EDNRB: variants seen among roughly 807,000 people sequenced by gnomAD.
The protein encoded by EDNRB is endothelin receptor type B, also known as Hirschsprung disease 2.
Under a neutral mutation model 46.4 loss-of-function variants are expected in EDNRB, and 18 were observed. The observed-to-expected ratio is 0.39, with a 90% confidence interval of 0.27 to 0.57. The LOEUF is 0.57. Among genes scored for constraint, EDNRB ranks in the 20% least tolerant of loss-of-function variants. EDNRB has a pLI of 0.61. For missense variants in EDNRB, 434 were observed against 537.5 expected (o/e 0.81, Z 1.90); for synonymous variants, 213 against 204.9 (o/e 1.04, Z -0.34).
chr13:77,933,235 G>A lies in EDNRB; in HGVS notation c.-51-14611C>T, dbSNP rs147060345. Among the ~76,000 whole-genome samples, 1,188 of 152,284 alleles carry A rather than the reference G, an allele frequency of 7.8e-3. 15 individuals are homozygous for A. Among genetic ancestry groups the A allele is most frequent in the African/African-American group, 0.026 (1,091 of 41,554 alleles). Reference sequence around the variant, plus strand: ...GGTGAGCAGAGTTTCATGCGCGTCCGTGTGAAGAGACCACCAAACAGGCTT... The same window carrying A: ...GGTGAGCAGAGTTTCATGCGCGTCCATGTGAAGAGACCACCAAACAGGCTT... On this transcript the variant is annotated intron_variant, in intron 1 of 7. Transcript: ENST00000646948.
chr13:77,960,926 A>G (rs1282392757), intron 1 of EDNRB, among the ~76,000 whole-genome samples: 7 of 152,242 alleles, frequency 4.6e-5, no homozygotes, highest in Middle Eastern at 3.4e-3. Flanking sequence ...TTAAACCAAC[A>G]AAGATCAAAA....
rs1878744562 is a variant in EDNRB, at chr13:77,898,328, A to G, written c.1201T>C (p.Leu401=). Residue 401 remains leucine (L), a synonymous_variant, in exon 7 of 7, where the codon TTA becomes CTA. Coordinates refer to ENST00000646607, the MANE Select transcript of EDNRB (RefSeq NM_001122659.3). ...TCAAATGACTGGCACCAGCAGCATAAGCATGACTGTACAAAACAAAGTAAC... is the reference window on the plus strand; with the variant it reads ...TCAAATGACTGGCACCAGCAGCATAGGCATGACTGTACAAAACAAAGTAAC... ...KRFKNCFKSC[L]CCWCQSFEEK... 2 of 1,611,910 alleles carry G rather than the reference A, an allele frequency of 1.2e-6. No homozygotes were observed. The highest frequency in any genetic ancestry group is 4.5e-5 in the East Asian group (2 of 44,762).
At chr13:77,970,627 T>C (rs538271889) in intron 1 of EDNRB, among the ~76,000 whole-genome samples, 1 of 152,228 alleles carries the variant, frequency 6.6e-6, no homozygotes, top group African/African-American at 2.4e-5. Context: ...TTTACTTGTG[T>C]TGTTTATGAG....
intron 1 of EDNRB, among the ~76,000 whole-genome samples, chr13:77,956,219 T>C (rs1452112859): frequency 6.6e-6 from 1 of 152,202 alleles, no homozygotes; most frequent in African/African-American, 2.4e-5. Flanking sequence ...TCTTACACTT[T>C]TCAGTGAATA....
At chr13:77,917,160 T>C (rs1037553799) in intron 1 of EDNRB, among the ~76,000 whole-genome samples, 2 of 152,186 alleles carry the variant, frequency 1.3e-5, no homozygotes, top group Admixed American at 6.5e-5. Flanking sequence ...TGGGGTGCCA[T>C]CATATAGCTT....
chr13:77,933,563 T>C (rs574900725), intron 1 of EDNRB, among the ~76,000 whole-genome samples: 1 of 152,166 alleles, frequency 6.6e-6, no homozygotes, highest in East Asian at 1.9e-4. Flanking sequence ...AGGCAGGAAC[T>C]GGCCATCTGG....
intron 1 of EDNRB, among the ~76,000 whole-genome samples, chr13:77,959,565 G>T (rs1881341428): frequency 6.6e-6 from 1 of 152,078 alleles, no homozygotes; most frequent in Non-Finnish European, 1.5e-5. Flanking sequence ...AAAGACCAAA[G>T]GTAGATAAAA....
At chr13:77,963,956 T>C (rs555734076) in intron 1 of EDNRB, among the ~76,000 whole-genome samples, 31 of 152,016 alleles carry the variant, frequency 2.0e-4, no homozygotes, top group African/African-American at 7.0e-4. Context: ...AAAAACTGGG[T>C]GAAGGATATG....
chr13:77,972,037 A>G (rs1351702569), intron 1 of EDNRB, among the ~76,000 whole-genome samples: 1 of 152,240 alleles, frequency 6.6e-6, no homozygotes, highest in Non-Finnish European at 1.5e-5. Flanking sequence ...AGGGATGCTA[A>G]GTTGCCTCCC....
rs1015601174 is a variant in EDNRB, at chr13:77,896,635, G to A, written c.*1565C>T. The A allele has an allele frequency of 1.2e-5, 19 of 1,521,460 alleles. No homozygotes were observed. The highest frequency in any genetic ancestry group is 3.7e-5 in the South Asian group (3 of 80,668). The allele number at this position is 1,521,460 out of a possible 1,614,324, so 94.2% of individuals were successfully genotyped here. On this transcript the variant is annotated 3_prime_UTR_variant, in exon 7 of 7. Coordinates refer to ENST00000646607, the MANE Select transcript of EDNRB (RefSeq NM_001122659.3). ...AAAGCTCTTGGGCCCAATTTATTTC[G>A]AAAGTCACTCTGAGAACATTGCACT...
chr13:77,922,718 G>A (rs940399228), upstream of EDNRB, among the ~76,000 whole-genome samples: 1 of 152,196 alleles, frequency 6.6e-6, no homozygotes, highest in Non-Finnish European at 1.5e-5. Context: ...CTGGATCCAT[G>A]ATAAAGAATC....
At chr13:77,940,785 C>A (rs1349793741) in intron 1 of EDNRB, among the ~76,000 whole-genome samples, 2 of 151,456 alleles carry the variant, frequency 1.3e-5, no homozygotes, top group African/African-American at 4.9e-5. Context: ...TTGCCACAGT[C>A]TATGAGCAAG....
At chr13:77,966,971 A>G (rs990652598) in intron 1 of EDNRB, among the ~76,000 whole-genome samples, 1 of 152,186 alleles carries the variant, frequency 6.6e-6, no homozygotes, top group African/African-American at 2.4e-5. Flanking sequence ...TAACCCATTC[A>G]CTAAAAACCA....
chr13:77,903,175 T>C lies in EDNRB; in HGVS notation c.782A>G (p.Gln261Arg). Residue 261 changes from glutamine (Q) to arginine (R), a missense_variant, in exon 3 of 7, where the codon CAG becomes CGG. Physicochemically the swap from Gln to Arg is conservative, Grantham distance 43. Coordinates refer to ENST00000646607, the MANE Select transcript of EDNRB (RefSeq NM_001122659.3). Reference protein sequence around the residue: ...YLRICLLHPVQKTAFMQFYKT... With the variant: ...YLRICLLHPVRKTAFMQFYKT... The stretch of plus-strand genomic sequence containing the variant: ...ATTTACCTGCATGAAAGCTGTCTTC[T>C]GAACGGGATGAAGCAAGCAGATTCG... 1 of 1,612,854 alleles carries C rather than the reference T, an allele frequency of 6.2e-7. No homozygotes were observed. The highest frequency in any genetic ancestry group is 8.5e-7 in the Non-Finnish European group (1 of 1,179,234).
At chr13:77,972,838 C>A (rs1202806090) in intron 1 of EDNRB, among the ~76,000 whole-genome samples, 1 of 152,170 alleles carries the variant, frequency 6.6e-6, no homozygotes, top group Non-Finnish European at 1.5e-5. Flanking sequence ...GTAGGGTTTT[C>A]CCCTGGGACT....
intron 1 of EDNRB, among the ~76,000 whole-genome samples, chr13:77,963,375 C>T (rs1249687986): frequency 6.6e-6 from 1 of 152,176 alleles, no homozygotes; most frequent in African/African-American, 2.4e-5. Context: ...AAGTATACTA[C>T]AAGGCTACAG....
chr13:77,945,876 C>CAAAAAAAAAAAAAAAAAAAAA (rs67463440), intron 1 of EDNRB, among the ~76,000 whole-genome samples: 3 of 115,592 alleles, frequency 2.6e-5, no homozygotes, highest in Admixed American at 9.0e-5. Context: ...TGCAAAAAAC[C>CAAAAAAAAAAAAAAAAAAAAA]AAAAAAAAAA....
intron 1 of EDNRB, among the ~76,000 whole-genome samples, chr13:77,907,949 G>C (rs983228609): frequency 9.6e-5 from 13 of 135,190 alleles, no homozygotes; most frequent in African/African-American, 3.0e-4. Flanking sequence ...TCAACAGAGA[G>C]ATAGTCAGAC....
chr13:77,898,581 T>A (rs1878760936), intron 6 of EDNRB, among the ~76,000 whole-genome samples: 1 of 152,000 alleles, frequency 6.6e-6, no homozygotes, highest in African/African-American at 2.4e-5. Flanking sequence ...GAAAGCCACT[T>A]TTAATTGATA....
Sources: gnomAD v4.1 joint callset for allele counts (sites outside exome capture counted in the v4.1 genomes callset) on GRCh38, gnomAD v4.1.1 for gene constraint, MANE v1.5 for transcripts, NCBI Gene and HGNC (gene_info 2026-07-23, HGNC 2026-07-21) for gene names.